Variants in CYRIA observed in about 807,000 individuals in gnomAD.
The protein encoded by CYRIA is CYFIP related Rac1 interactor A, also known as CYFIP-related Rac1 interactor A.
CYRIA carries 15 observed loss-of-function variants against 43.9 expected under a neutral mutation model. That is an observed-to-expected ratio of 0.34 (90% CI 0.23 to 0.53). The LOEUF is 0.53. CYRIA is among the 20% of genes least tolerant of loss of function. The probability of loss-of-function intolerance (pLI) is 0.94; values close to 1 mark genes in which losing one functional copy is unlikely to be tolerated. For missense variants in CYRIA, 236 were observed against 394.2 expected (o/e 0.60, Z 3.40); for synonymous variants, 117 against 136.0 (o/e 0.86, Z 0.97).
rs530286710 is a variant in CYRIA at position 16,618,191 on chromosome 2, G to C, written c.-11+5673C>G. Among the ~76,000 whole-genome samples the C allele has an allele frequency of 3.3e-5, 5 of 152,288 alleles. No individual in the cohort carries two copies. The East Asian group carries it at 7.7e-4, about 24-fold the overall frequency. On this transcript the variant is annotated intron_variant, in intron 2 of 11. Transcript: ENST00000381323. ...CCCAGGCCAGGATGAGAGTGTGCTC[G>C]AAACTGCCTCAGTGCAGGAGCAGGG...
Position 16,551,044 on chromosome 2 carries a change from G to T in CYRIA, c.*1892C>A, listed in dbSNP as rs541811641. 1 of 152,230 alleles carries T rather than the reference G, an allele frequency of 6.6e-6. No individual in the cohort carries two copies. Among genetic ancestry groups the T allele is most frequent in the South Asian group, 2.1e-4 (1 of 4,818 alleles). 9.4% of individuals were successfully genotyped at this position (152,230 alleles called of 1,614,324 possible). A position where few individuals can be genotyped will look rare whatever the true frequency, so the allele number is the denominator to read the frequency against. On this transcript the variant is annotated 3_prime_UTR_variant, in exon 12 of 12. Coordinates refer to ENST00000381323, the MANE Select transcript of CYRIA (RefSeq NM_030797.4). ...ACCTAGCATATTTCTATTCTGATGA[G>T]AGAAACTCCATCCAAGCAGCTGTAC...
chr2:16,585,368 G>C (rs1490046372), intron 3 of CYRIA, among the ~76,000 whole-genome samples: 1 of 152,070 alleles, frequency 6.6e-6, no homozygotes, highest in Non-Finnish European at 1.5e-5. Context: ...GGGAGGAGGA[G>C]AGCCACAGAG....
chr2:16,591,391 A>T (rs1349081725), intron 2 of CYRIA, among the ~76,000 whole-genome samples: 1 of 152,184 alleles, frequency 6.6e-6, no homozygotes, highest in East Asian at 1.9e-4. Context: ...TGGTGTTCAG[A>T]AAATACAAAC....
At chr2:16,620,000 G>A (rs1217959991) in intron 2 of CYRIA, among the ~76,000 whole-genome samples, 1 of 152,184 alleles carries the variant, frequency 6.6e-6, no homozygotes, top group Non-Finnish European at 1.5e-5. Context: ...CTTTGTTCAT[G>A]TCTGGGTTCT....
At chr2:16,636,614 G>C (rs1669505139) in intron 1 of CYRIA, among the ~76,000 whole-genome samples, 1 of 152,082 alleles carries the variant, frequency 6.6e-6, no homozygotes, top group African/African-American at 2.4e-5. Flanking sequence ...TCTATTCAGA[G>C]AAAATGTTTT....
chr2:16,610,407 T>C (rs1668550637), intron 2 of CYRIA, among the ~76,000 whole-genome samples: 1 of 152,264 alleles, frequency 6.6e-6, no homozygotes, highest in African/African-American at 2.4e-5. Flanking sequence ...ACATGGCCTG[T>C]GGCCTCTGGT....
At chr2:16,648,067 T>A (rs944810534) in intron 1 of CYRIA, among the ~76,000 whole-genome samples, 1 of 152,210 alleles carries the variant, frequency 6.6e-6, no homozygotes, top group African/African-American at 2.4e-5. Flanking sequence ...ACTATTACTA[T>A]CTTCATTCCA....
At chr2:16,636,369 G>A (rs1243490698) in intron 1 of CYRIA, among the ~76,000 whole-genome samples, 1 of 152,202 alleles carries the variant, frequency 6.6e-6, no homozygotes, top group Non-Finnish European at 1.5e-5. Context: ...CCAGAACTGT[G>A]AGCAGATTAA....
chr2:16,612,779 T>C (rs1185090937), intron 2 of CYRIA, among the ~76,000 whole-genome samples: 1 of 152,216 alleles, frequency 6.6e-6, no homozygotes, highest in Non-Finnish European at 1.5e-5. Context: ...GCTCATTTTA[T>C]GGAACTTCTT....
intron 3 of CYRIA, among the ~76,000 whole-genome samples, chr2:16,569,006 T>A (rs1219631750): frequency 6.6e-6 from 1 of 152,050 alleles, no homozygotes; most frequent in Non-Finnish European, 1.5e-5. Flanking sequence ...AATAGAGGCC[T>A]CTCTTAACTG....
chr2:16,623,456 T>A (rs1209317623), intron 2 of CYRIA, among the ~76,000 whole-genome samples: 1 of 152,146 alleles, frequency 6.6e-6, no homozygotes, highest in East Asian at 1.9e-4. Context: ...TTTCTAAAGA[T>A]GTTGTAGCAG....
intron 2 of CYRIA, 94 bp from the exon 3 acceptor site, chr2:16,588,223 G>T: frequency 1.4e-6 from 1 of 718,944 alleles, no homozygotes; most frequent in Non-Finnish European, 2.3e-6. Context: ...TACCTTTGAA[G>T]ACCAGAAAGA....
chr2:16,628,860 G>A (rs1056313691), intron 1 of CYRIA, among the ~76,000 whole-genome samples: 22 of 152,222 alleles, frequency 1.4e-4, no homozygotes, highest in South Asian at 6.2e-4. Context: ...CTGAATTCAC[G>A]GAGCTTGTTG....
In CYRIA at chr2:16,642,274, C is replaced by T. The variant is rs565190292; in HGVS notation, c.-166-18255G>A. The stretch of plus-strand genomic sequence containing the variant: ...CAGCGTGGCCCAAAACAGAACTCTT[C>T]CTCTTTCCTCCCAATCCTGCTCTAC... On this transcript the variant is annotated intron_variant, in intron 1 of 11. Transcript: ENST00000381323. Among the ~76,000 whole-genome samples the T allele has an allele frequency of 6.8e-4, 104 of 152,288 alleles. 1 individual carries two copies. Among genetic ancestry groups the T allele is most frequent in the Non-Finnish European group, 1.1e-3 (77 of 68,020 alleles).
intron 3 of CYRIA, among the ~76,000 whole-genome samples, chr2:16,569,356 ATGTGGTT>A: frequency 6.6e-6 from 1 of 152,250 alleles, no homozygotes; most frequent in East Asian, 1.9e-4. Context: ...AATATTTCTC[ATGTGGTT>A]TAGCAGTGGT....
intron 1 of CYRIA, among the ~76,000 whole-genome samples, chr2:16,638,353 T>TG (rs1201280366): frequency 2.6e-5 from 4 of 152,114 alleles, no homozygotes; most frequent in African/African-American, 9.7e-5. Flanking sequence ...TTGCACAGGC[T>TG]GGTGTGGAAG....
chr2:16,558,159 T>C (rs911260870), intron 10 of CYRIA, among the ~76,000 whole-genome samples: 3 of 152,050 alleles, frequency 2.0e-5, no homozygotes, highest in Non-Finnish European at 4.4e-5. Context: ...TATGGTGAGG[T>C]TATTACAGGA....
chr2:16,615,352 G>A lies in CYRIA; in HGVS notation c.-11+8512C>T, dbSNP rs568775952. 1.1e-4 allele frequency among the ~76,000 whole-genome samples: 16 copies of A among 152,274 alleles called. 1 individual carries two copies. In the South Asian group the frequency reaches 1.4e-3, roughly 14 times the overall value. ...CGTTTTAGGATTGGTCCCGAAATCC[G>A]GAGTTCCTCTCCTACTGGTTTAGTA... On this transcript the variant is annotated intron_variant, in intron 2 of 11. Coordinates refer to ENST00000381323, the MANE Select transcript of CYRIA (RefSeq NM_030797.4).
rs186232655 is a variant in CYRIA, at chr2:16,641,346, C to G, written c.-166-17327G>C. ...TGCCACGCCTTCAGCCCAGGGTCCC[C>G]TTTCCAGCCTTCCCACCTGCATGCC... is the stretch of plus-strand genomic sequence containing the variant. On this transcript the variant is annotated intron_variant, in intron 1 of 11. Coordinates refer to ENST00000381323, the MANE Select transcript of CYRIA (RefSeq NM_030797.4). Among the ~76,000 whole-genome samples, 723 of 152,294 alleles carry G rather than the reference C, an allele frequency of 4.7e-3. 21 individuals carry two copies. Among genetic ancestry groups the G allele is most frequent in the Admixed American group, 0.042 (637 of 15,302 alleles).
Sources: allele counts gnomAD v4.1 joint callset (sites outside exome capture counted in the v4.1 genomes callset), GRCh38; gene constraint gnomAD v4.1.1; transcripts MANE v1.5; gene names NCBI Gene and HGNC (gene_info 2026-07-23, HGNC 2026-07-21).